The following SPACA6 variants were observed in gnomAD, a reference collection of about 807,000 sequenced individuals.
The protein encoded by SPACA6 is sperm acrosome associated 6.
For synonymous variants in SPACA6, 6 were observed against 1.5 expected, an observed-to-expected ratio of 4.05 and a Z score of -2.21; for missense variants, 8 against 2.8, an observed-to-expected ratio of 2.88 and a Z score of -1.34.
intron 3 of SPACA6, among the ~76,000 whole-genome samples, chr19:51,702,082 G>A (rs2083472777): frequency 1.3e-5 from 2 of 151,950 alleles, no homozygotes; most frequent in African/African-American, 4.8e-5. Context: ...ACCCACTCCT[G>A]AGACCCCCCA....
chr19:51,697,992 T>C (rs1478754334), intron 2 of SPACA6, among the ~76,000 whole-genome samples: 1 of 152,144 alleles, frequency 6.6e-6, no homozygotes, highest in Non-Finnish European at 1.5e-5. Context: ...TCTACACACT[T>C]AGTGACACCA....
chr19:51,690,553 T>G (rs1438675462), upstream of SPACA6, among the ~76,000 whole-genome samples: 2 of 151,908 alleles, frequency 1.3e-5, no homozygotes, highest in African/African-American at 2.4e-5. Context: ...GGTGCCAGAC[T>G]GTTTGGGTCT....
chr19:51,696,029 C>G (rs2083428605), intron 2 of SPACA6, among the ~76,000 whole-genome samples: 1 of 152,120 alleles, frequency 6.6e-6, no homozygotes, highest in South Asian at 2.1e-4. Flanking sequence ...TGAGGGGTCC[C>G]AGGGACGTTT....
downstream of SPACA6, among the ~76,000 whole-genome samples, chr19:51,709,276 G>T (rs1191396809): frequency 6.6e-6 from 1 of 151,332 alleles, no homozygotes; most frequent in African/African-American, 2.4e-5. Context: ...CCAGCACTTT[G>T]GGAAGCCGAG....
At chr19:51,692,684 G>A, upstream of SPACA6, 1 of 533,390 alleles carries the variant, frequency 1.9e-6, no homozygotes. The surrounding 1 kb of genome is among the most constrained non-coding windows in gnomAD (Gnocchi z 5.6). Context: ...TCCGTGTCGG[G>A]GGCTCACCAT....
downstream of SPACA6, among the ~76,000 whole-genome samples, chr19:51,707,868 A>G (rs1008981343): frequency 2.0e-5 from 3 of 152,216 alleles, no homozygotes; most frequent in African/African-American, 7.2e-5. Flanking sequence ...TAATAGCCAG[A>G]TGAAGAGGTA....
chr19:51,691,202 AAG>A (rs60251233), upstream of SPACA6, among the ~76,000 whole-genome samples: 5 of 148,316 alleles, frequency 3.4e-5, no homozygotes, highest in Admixed American at 6.6e-5. Context: ...GGAAGGAGAA[AAG>A]AGAGAGAGAG....
upstream of SPACA6, among the ~76,000 whole-genome samples, chr19:51,684,831 G>T (rs915515312): frequency 1.3e-5 from 2 of 152,218 alleles, no homozygotes; most frequent in Non-Finnish European, 2.9e-5. Context: ...GGTTGGACAA[G>T]CTTGATTTAG....
chr19:51,694,286 C>G (rs150805235), intron 1 of SPACA6, 192 bp from the exon 2 acceptor site: 288 of 280,066 alleles, frequency 1.0e-3, no homozygotes, highest in Middle Eastern at 1.7e-3. Flanking sequence ...AGCGACTGGT[C>G]GGGGGCAGAG....
intron 8 of SPACA6, 101 bp from the exon 9 acceptor site, chr19:51,704,989 C>T (rs78877337): frequency 0.034 from 13,262 of 389,956 alleles, 428 homozygotes; most frequent in East Asian, 0.14. Context: ...ACCAGGAGTC[C>T]GGGCCCTGTA....
upstream of SPACA6, among the ~76,000 whole-genome samples, chr19:51,692,454 C>A (rs1454408905): frequency 3.3e-5 from 5 of 152,002 alleles, no homozygotes; most frequent in East Asian, 9.7e-4. This position sits in a 1 kb window ranked among gnomAD's most constrained non-coding sequence, Gnocchi z 5.6. Flanking sequence ...GCCTGGATTC[C>A]TGGGTCTGTG....
upstream of SPACA6, among the ~76,000 whole-genome samples, chr19:51,690,397 C>G (rs560454727): frequency 2.2e-3 from 337 of 152,250 alleles, no homozygotes; most frequent in South Asian, 3.7e-3. Flanking sequence ...GTTCAGGCTC[C>G]GGCATCTTTC....
upstream of SPACA6, among the ~76,000 whole-genome samples, chr19:51,689,979 G>A (rs1001599784): frequency 4.0e-5 from 6 of 150,774 alleles, no homozygotes; most frequent in Non-Finnish European, 8.9e-5. Context: ...GGATGGGGCT[G>A]CGGGGCTTTG....
chr19:51,693,654 T>G lies in SPACA6; in HGVS notation c.128T>G (p.Met43Arg). 1 of 413,488 alleles carries G rather than the reference T, an allele frequency of 2.4e-6. No homozygotes were observed. The highest frequency in any genetic ancestry group is 4.3e-6 in the Non-Finnish European group (1 of 232,614). 25.6% of individuals were successfully genotyped at this position (413,488 alleles called of 1,614,324 possible). A position where few individuals can be genotyped will look rare whatever the true frequency, so the allele number is the denominator to read the frequency against. The change falls in exon 1 of 9, where the codon ATG (methionine) becomes AGG (arginine). Residue 43 changes from methionine (M) to arginine (R), a missense_variant. Transcript: ENST00000637797. ...TCTGAGCGCCTCCGCATCTGCCAGA[T>G]GTTTGTTGGGATGCGGAGCCCCAAG... ...TYSERLRICQ[M>R]FVGMRSPKLE...
upstream of SPACA6, among the ~76,000 whole-genome samples, chr19:51,690,008 G>T (rs1257511381): frequency 6.7e-6 from 1 of 149,198 alleles, no homozygotes; most frequent in East Asian, 2.0e-4. Flanking sequence ...AGGGTGAGCC[G>T]TGCCAGTGGG....
chr19:51,705,789 C>T (rs1387934880), downstream of SPACA6, among the ~76,000 whole-genome samples: 1 of 152,052 alleles, frequency 6.6e-6, no homozygotes, highest in African/African-American at 2.4e-5. Flanking sequence ...CTCCACCTCC[C>T]GGGTTCAAGC....
Position 51,695,997 on chromosome 19 carries a change from C to T in SPACA6, c.292+1442C>T, listed in dbSNP as rs1864074108. On this transcript the variant is annotated intron_variant, in intron 2 of 8. Transcript: ENST00000637797. ...GAAAGAGCCGGGGGCAGATGATAAG[C>T]TGGGTTAGAAGGCAGTGACTTTGAG... Among the ~76,000 whole-genome samples, 3 of 152,130 alleles carry T rather than the reference C, an allele frequency of 2.0e-5. 1 individual carries two copies. In the South Asian group the frequency reaches 6.2e-4, roughly 31 times the overall value.
downstream of SPACA6, among the ~76,000 whole-genome samples, chr19:51,707,673 C>G (rs1367105272): frequency 6.6e-6 from 1 of 152,172 alleles, no homozygotes; most frequent in African/African-American, 2.4e-5. Flanking sequence ...CCAGGGTTAG[C>G]GTCGCACTAC....
upstream of SPACA6, chr19:51,692,991 TC>T: frequency 2.6e-6 from 1 of 387,486 alleles, no homozygotes; most frequent in South Asian, 1.9e-5. This position sits in a 1 kb window ranked among gnomAD's most constrained non-coding sequence, Gnocchi z 5.6. Context: ...TGTCCCTGCA[TC>T]CCCTCCTTCC....
Sources: gnomAD v4.1 joint callset for allele counts (sites outside exome capture counted in the v4.1 genomes callset) on GRCh38, gnomAD v4.1.1 for gene constraint, Gnocchi (gnomAD v3.1) non-coding constraint, MANE v1.5 for transcripts, NCBI Gene and HGNC (gene_info 2026-07-23, HGNC 2026-07-21) for gene names.